Variants in CNTN1 observed in about 807,000 individuals in gnomAD.
CNTN1 encodes the protein contactin-1.
CNTN1 carries 38 observed loss-of-function variants against 126.4 expected under a neutral mutation model. The observed-to-expected ratio is 0.30, with a 90% CI of 0.23 to 0.39. The LOEUF (loss-of-function observed/expected upper bound fraction) is 0.39, where lower values mean the gene tolerates loss of function less well. Ranked by LOEUF, CNTN1 falls within the 10% of genes least tolerant of loss-of-function variation. The pLI, the probability that CNTN1 is intolerant of heterozygous loss-of-function variation, is 1.00. For synonymous variants in CNTN1, 413 were observed against 422.6 expected, an observed-to-expected ratio of 0.98 and a Z score of 0.28; for missense variants, 1,009 against 1,248.4, an observed-to-expected ratio of 0.81 and a Z score of 2.89.
chr12:40,922,426 G>A lies in CNTN1; in HGVS notation c.398G>A (p.Gly133Glu), dbSNP rs755559017. The change falls in exon 5 of 24, where the codon GGA becomes GAA. Residue 133 changes from glycine to glutamate, a missense_variant and splice_region_variant. Gly to Glu is a moderately conservative substitution (Grantham distance 98). Transcript: ENST00000551295. The stretch of plus-strand genomic sequence containing the variant: ...AGCACTGAAGCAACCCTGAGCTTTG[G>A]ATGTAAGTAAACTGTAACTTTTAAA... ...VRSTEATLSF[G>E]YLDPFPPEER... 10 of 1,613,892 alleles carry A rather than the reference G, an allele frequency of 6.2e-6. No individual in the cohort carries two copies. The highest frequency in any genetic ancestry group is 8.5e-6 in the Non-Finnish European group (10 of 1,179,866).
intron 16 of CNTN1, among the ~76,000 whole-genome samples, chr12:40,985,678 A>T (rs1318898346): frequency 6.6e-6 from 1 of 152,100 alleles, no homozygotes; most frequent in Non-Finnish European, 1.5e-5. Context: ...AAATGCATTT[A>T]TCCTAATGGA....
At chr12:40,874,525 AT>A (rs1339544155) in intron 1 of CNTN1, among the ~76,000 whole-genome samples, 4 of 152,098 alleles carry the variant, frequency 2.6e-5, no homozygotes, top group African/African-American at 9.6e-5. Flanking sequence ...ACATTTTCAA[AT>A]TTTTTAATGG....
At chr12:40,834,859 T>C (rs906699788) in intron 1 of CNTN1, among the ~76,000 whole-genome samples, 1 of 152,162 alleles carries the variant, frequency 6.6e-6, no homozygotes, top group African/African-American at 2.4e-5. Context: ...AATTTAAAGA[T>C]GCTTACCACT....
Position 40,944,030 on chromosome 12 carries a change from G to T in CNTN1, c.1543G>T (p.Asp515Tyr). ...AATTATATTGGCCCCAATTAATGCC[G>T]ATATCACAGTTGGAGAAAACGCCAC... is the stretch of plus-strand genomic sequence containing the variant. ...TRIILAPINA[D>Y]ITVGENATMQ... Residue 515 changes from aspartate (D) to tyrosine (Y), a missense_variant, in exon 14 of 24, where the codon GAT (aspartate) becomes TAT (tyrosine). By Grantham distance (160) the Asp-to-Tyr change is radical. Transcript: ENST00000551295. 2.5e-6 allele frequency: 4 copies of T among 1,613,398 alleles called. No individual in the cohort carries two copies. The highest frequency in any genetic ancestry group is 2.5e-6 in the Non-Finnish European group (3 of 1,179,558).
At chr12:40,832,898 A>G (rs1395105161) in intron 1 of CNTN1, among the ~76,000 whole-genome samples, 1 of 152,096 alleles carries the variant, frequency 6.6e-6, no homozygotes, top group East Asian at 1.9e-4. Context: ...AAATTTTTCA[A>G]ACTAGCCAAT....
intron 12 of CNTN1, among the ~76,000 whole-genome samples, 165 bp downstream of exon 12, chr12:40,939,650 G>A (rs1946197934): frequency 6.6e-6 from 1 of 152,054 alleles, no homozygotes; most frequent in African/African-American, 2.4e-5. Context: ...ATCCCTGTCA[G>A]TATCTATTAT....
Position 40,778,749 on chromosome 12 carries a change from C to A in CNTN1, c.-77+86157C>A, listed in dbSNP as rs569091528. Among the ~76,000 whole-genome samples the A allele has an allele frequency of 3.3e-5, 5 of 151,866 alleles. No individual in the cohort carries two copies. The South Asian group carries it at 1.0e-3, about 32-fold the overall frequency. ...TTTTGCCAGATTTTTATTGGAACTA[C>A]ATAGAAAATATTTCCTATAAGAAAT... On this transcript the variant is annotated intron_variant, in intron 1 of 23. Coordinates refer to ENST00000551295, the MANE Select transcript of CNTN1 (RefSeq NM_001843.4).
chr12:40,746,820 A>G (rs1279420995), intron 1 of CNTN1, among the ~76,000 whole-genome samples: 1 of 152,020 alleles, frequency 6.6e-6, no homozygotes, highest in East Asian at 1.9e-4. Context: ...TTTGCCTCTG[A>G]AGTGTGCATG....
chr12:40,877,123 C>A (rs548916790), intron 1 of CNTN1, among the ~76,000 whole-genome samples: 1 of 152,144 alleles, frequency 6.6e-6, no homozygotes, highest in Non-Finnish European at 1.5e-5. Flanking sequence ...TTCCCTTCGA[C>A]AACTGTCACC....
At chr12:40,966,153 T>G (rs1335152525) in intron 15 of CNTN1, among the ~76,000 whole-genome samples, 1 of 152,032 alleles carries the variant, frequency 6.6e-6, no homozygotes, top group Non-Finnish European at 1.5e-5. Flanking sequence ...TTCAAGTATT[T>G]GGGGCAGAAA....
chr12:40,850,706 C>T (rs1232360204), intron 1 of CNTN1, among the ~76,000 whole-genome samples: 1 of 151,888 alleles, frequency 6.6e-6, no homozygotes, highest in Non-Finnish European at 1.5e-5. Flanking sequence ...TTGTATTCTT[C>T]AGCTGTCTAT....
At chr12:40,999,636 C>G (rs748757469) in intron 17 of CNTN1, among the ~76,000 whole-genome samples, 6 of 148,476 alleles carry the variant, frequency 4.0e-5, no homozygotes, top group Non-Finnish European at 7.4e-5. Context: ...GAAATTAAAT[C>G]AATAATCCAA....
intron 23 of CNTN1, among the ~76,000 whole-genome samples, chr12:41,044,209 A>T (rs1949491114): frequency 6.6e-6 from 1 of 151,998 alleles, no homozygotes; most frequent in Admixed American, 6.6e-5. Context: ...ATGGAAATTT[A>T]CAGAAAGGCT....
intron 17 of CNTN1, among the ~76,000 whole-genome samples, chr12:41,001,166 C>G (rs1049100840): frequency 6.6e-6 from 1 of 152,054 alleles, no homozygotes; most frequent in African/African-American, 2.4e-5. Flanking sequence ...ATTGCTAGGT[C>G]GAATAGTATT....
rs1565921750 is a variant in CNTN1 at position 40,906,960 on chromosome 12, G to C, written c.-76-1397G>C. On this transcript the variant is annotated intron_variant, in intron 1 of 23. Transcript: ENST00000551295. ...CCCAAAGGGCTGGGATTACAGGTGT[G>C]AGCCACTGTGCCCAGCCCATGCTCT... Among the ~76,000 whole-genome samples, 6 of 152,224 alleles carry C rather than the reference G, an allele frequency of 3.9e-5. No individual in the cohort carries two copies. The South Asian group carries it at 1.2e-3, about 32-fold the overall frequency.
intron 1 of CNTN1, among the ~76,000 whole-genome samples, chr12:40,790,276 C>T (rs543791198): frequency 5.9e-5 from 9 of 152,072 alleles, no homozygotes; most frequent in Non-Finnish European, 1.2e-4. Flanking sequence ...AGATGAACTT[C>T]AGGAGCCAGG....
At chr12:40,811,791 C>T (rs73116762) in intron 1 of CNTN1, among the ~76,000 whole-genome samples, 3,368 of 145,586 alleles carry the variant, frequency 0.023, 121 homozygotes, top group African/African-American at 0.078. Context: ...CTCCTTTTTC[C>T]TTCGTCTCAC....
chr12:40,750,379 G>A (rs1040755304), intron 1 of CNTN1, among the ~76,000 whole-genome samples: 8 of 152,106 alleles, frequency 5.3e-5, no homozygotes, highest in Admixed American at 6.6e-5. Context: ...AGGTAAAGTA[G>A]GGAAGCTCAT....
intron 20 of CNTN1, among the ~76,000 whole-genome samples, chr12:41,023,228 T>A (rs1948964816): frequency 6.6e-6 from 1 of 152,124 alleles, no homozygotes; most frequent in African/African-American, 2.4e-5. Flanking sequence ...ACATAAAATA[T>A]AAAGCTGGAA....
Sources: gnomAD v4.1 joint callset for allele counts (sites outside exome capture counted in the v4.1 genomes callset) on GRCh38, gnomAD v4.1.1 for gene constraint, MANE v1.5 for transcripts, NCBI Gene and HGNC (gene_info 2026-07-23, HGNC 2026-07-21) for gene names.